The following HECW2 variants were observed in gnomAD, a reference collection of about 807,000 sequenced individuals.
The protein encoded by HECW2 is E3 ubiquitin-protein ligase HECW2.
Under a neutral mutation model 175.2 loss-of-function variants are expected in HECW2, and 61 were observed. The ratio of observed to expected loss-of-function variants is 0.35; its 90% CI spans 0.28 to 0.43. The LOEUF (loss-of-function observed/expected upper bound fraction) is 0.43, where lower values mean the gene tolerates loss of function less well. Among genes scored for constraint, HECW2 ranks in the 20% least tolerant of loss-of-function variants. The pLI is 1.00. For synonymous variants in HECW2, 671 were observed against 731.0 expected, an observed-to-expected ratio of 0.92 and a Z score of 1.32; for missense variants, 1,524 against 2,000.5, an observed-to-expected ratio of 0.76 and a Z score of 4.54.
chr2:196,402,351 G>C (rs11891567), intron 2 of HECW2, among the ~76,000 whole-genome samples: 2,385 of 152,190 alleles, frequency 0.016, 58 homozygotes, highest in African/African-American at 0.054. Context: ...TTTCTGGGGG[G>C]ATGGCTTGCA....
chr2:196,502,428 C>CT (rs1687609256), intron 1 of HECW2, among the ~76,000 whole-genome samples: 1 of 152,188 alleles, frequency 6.6e-6, no homozygotes, highest in Non-Finnish European at 1.5e-5. Flanking sequence ...ATTCACATAA[C>CT]TGAGGACCCC....
At chr2:196,412,575 A>C (rs1437452034) in intron 2 of HECW2, among the ~76,000 whole-genome samples, 1 of 152,212 alleles carries the variant, frequency 6.6e-6, no homozygotes, top group Non-Finnish European at 1.5e-5. Flanking sequence ...AACACCCTTT[A>C]GGGAATGTAA....
intron 1 of HECW2, among the ~76,000 whole-genome samples, chr2:196,540,604 C>T (rs150973827): frequency 1.1e-4 from 17 of 151,932 alleles, no homozygotes; most frequent in Non-Finnish European, 2.2e-4. Context: ...ACACCATGCA[C>T]GGCTAATTTT....
Position 196,274,141 on chromosome 2 carries a change from A to G in HECW2, c.3136-18T>C. The G allele has an allele frequency of 6.3e-7, 1 of 1,582,520 alleles. No homozygotes were observed. The highest frequency in any genetic ancestry group is 8.7e-7 in the Non-Finnish European group (1 of 1,151,476). On this transcript the variant is annotated intron_variant, in intron 15 of 28. Coordinates refer to ENST00000644978, the MANE Select transcript of HECW2 (RefSeq NM_001348768.2). ...TCTCCTACCTGCAAACAGAAGCATC[A>G]TTTATGTTCTGCACCAAGAGCCAGA... is the stretch of plus-strand genomic sequence containing the variant.
chr2:196,376,361 T>C (rs935013420), intron 2 of HECW2, among the ~76,000 whole-genome samples: 18 of 152,210 alleles, frequency 1.2e-4, no homozygotes, highest in African/African-American at 3.6e-4. Context: ...CTGGGCACAG[T>C]GGCTCATGCC....
chr2:196,451,431 CAAAA>C (rs1383013336), intron 1 of HECW2, among the ~76,000 whole-genome samples: 3 of 65,922 alleles, frequency 4.6e-5, no homozygotes, highest in Non-Finnish European at 9.6e-5. Flanking sequence ...GACTCCGTCT[CAAAA>C]AAAAAAAAAA....
chr2:196,504,677 T>C (rs540265100), intron 1 of HECW2, among the ~76,000 whole-genome samples: 8 of 152,326 alleles, frequency 5.3e-5, no homozygotes, highest in African/African-American at 1.9e-4. Context: ...TTATGTGACA[T>C]ATCTCTTTGG....
intron 1 of HECW2, among the ~76,000 whole-genome samples, chr2:196,503,100 T>C (rs1007868838): frequency 1.3e-5 from 2 of 152,164 alleles, no homozygotes; most frequent in African/African-American, 4.8e-5. Context: ...CATGGGCACC[T>C]GTGCCAGCTC....
chr2:196,345,750 A>G (rs936854041), intron 2 of HECW2, among the ~76,000 whole-genome samples: 3 of 152,202 alleles, frequency 2.0e-5, no homozygotes, highest in East Asian at 3.9e-4. Flanking sequence ...ATTCAGACTC[A>G]TCATTTCTGA....
At chr2:196,278,330 C>G (rs1237446389) in intron 15 of HECW2, among the ~76,000 whole-genome samples, 198 bp downstream of exon 15, 1 of 148,142 alleles carries the variant, frequency 6.8e-6, no homozygotes, top group Non-Finnish European at 1.5e-5. Flanking sequence ...TATATCCTAC[C>G]TTTTTAAATT....
At chr2:196,396,522 C>T (rs1213133370) in intron 2 of HECW2, among the ~76,000 whole-genome samples, 1 of 152,170 alleles carries the variant, frequency 6.6e-6, no homozygotes, top group African/African-American at 2.4e-5. Context: ...TTTCTGGTTG[C>T]AACATATAAG....
intron 2 of HECW2, among the ~76,000 whole-genome samples, chr2:196,369,220 C>G (rs989278506): frequency 6.6e-6 from 1 of 152,144 alleles, no homozygotes; most frequent in Non-Finnish European, 1.5e-5. Context: ...CTAGTAACAG[C>G]GTGAGTCTTG....
chr2:196,556,620 G>C (rs1243042485), intron 1 of HECW2, among the ~76,000 whole-genome samples: 4 of 152,106 alleles, frequency 2.6e-5, no homozygotes, highest in Non-Finnish European at 5.9e-5. Context: ...AAATGTGTAA[G>C]GTATATTACT....
chr2:196,474,354 T>C (rs1697333783), intron 1 of HECW2, among the ~76,000 whole-genome samples: 1 of 152,234 alleles, frequency 6.6e-6, no homozygotes, highest in Admixed American at 6.5e-5. Flanking sequence ...CCAGCTACCA[T>C]AATGGCTTGC....
intron 2 of HECW2, among the ~76,000 whole-genome samples, chr2:196,400,167 A>C (rs1389438269): frequency 6.6e-6 from 1 of 152,228 alleles, no homozygotes; most frequent in Non-Finnish European, 1.5e-5. Context: ...TAATTTTTCT[A>C]ATCACACAGT....
chr2:196,509,392 T>G (rs1011879998), intron 1 of HECW2, among the ~76,000 whole-genome samples: 11 of 152,170 alleles, frequency 7.2e-5, no homozygotes, highest in African/African-American at 2.7e-4. Context: ...AATGGTTGAT[T>G]AAATTATTGG....
Position 196,307,132 on chromosome 2 carries a change from G to C in HECW2, c.2687C>G (p.Ala896Gly), listed in dbSNP as rs767738195. 2 of 1,604,420 alleles carry C rather than the reference G, an allele frequency of 1.2e-6. No homozygotes were observed. Among genetic ancestry groups the C allele is most frequent in the African/African-American group, 2.7e-5 (2 of 74,692 alleles). The stretch of plus-strand genomic sequence containing the variant: ...AAAACAAAGCCCAAAGCTCTTACCT[G>C]CACTGGCTTGGTGAAAGTCAGCTTC... ...GEEADFHQASADFRRENILPH... is the reference protein window; with the variant it reads ...GEEADFHQASGDFRRENILPH... Residue 896 changes from alanine (A) to glycine (G), a missense_variant and splice_region_variant, in exon 12 of 29, where the codon GCA (alanine) becomes GGA (glycine). Physicochemically the swap from Ala to Gly is moderately conservative, Grantham distance 60. Transcript: ENST00000644978.
chr2:196,213,348 A>G (rs1262411814), intron 28 of HECW2, among the ~76,000 whole-genome samples: 3 of 152,190 alleles, frequency 2.0e-5, no homozygotes, highest in Non-Finnish European at 4.4e-5. Flanking sequence ...TTATCTTACA[A>G]TTGTCAAAAA....
chr2:196,407,529 A>C (rs1694997001), intron 2 of HECW2, among the ~76,000 whole-genome samples: 1 of 152,128 alleles, frequency 6.6e-6, no homozygotes, highest in Non-Finnish European at 1.5e-5. Flanking sequence ...CATTTGTTTA[A>C]TTTTCCCAAT....
Sources: gnomAD v4.1 joint callset for allele counts (sites outside exome capture counted in the v4.1 genomes callset) on GRCh38, gnomAD v4.1.1 for gene constraint, MANE v1.5 for transcripts, NCBI Gene and HGNC (gene_info 2026-07-23, HGNC 2026-07-21) for gene names.